Variants in DGKB observed in about 807,000 individuals in gnomAD.
DGKB encodes 90 kDa diacylglycerol kinase.
Under a neutral mutation model 114.3 loss-of-function variants are expected in DGKB, and 67 were observed. The ratio of observed to expected loss-of-function variants is 0.59; its 90% CI spans 0.48 to 0.72. The LOEUF is 0.72. Ranked by LOEUF, DGKB falls within the 30% of genes least tolerant of loss-of-function variation. The pLI, the probability that DGKB is intolerant of heterozygous loss-of-function variation, is 0.00. For synonymous variants in DGKB, 398 were observed against 323.1 expected, an observed-to-expected ratio of 1.23 and a Z score of -2.49; for missense variants, 907 against 975.2, an observed-to-expected ratio of 0.93 and a Z score of 0.93.
intron 21 of DGKB, among the ~76,000 whole-genome samples, chr7:14,477,214 C>G (rs1782316221): frequency 6.6e-6 from 1 of 152,128 alleles, no homozygotes; most frequent in Non-Finnish European, 1.5e-5. Flanking sequence ...TGTGAACCTA[C>G]ATGGGAGAAG....
chr7:14,472,774 G>A (rs1427368899), intron 21 of DGKB, among the ~76,000 whole-genome samples: 1 of 152,142 alleles, frequency 6.6e-6, no homozygotes, highest in Non-Finnish European at 1.5e-5. Context: ...AACTGGTTGG[G>A]AACTGGAGCA....
chr7:14,195,672 A>G (rs1190836036), intron 23 of DGKB, among the ~76,000 whole-genome samples: 2 of 152,170 alleles, frequency 1.3e-5, no homozygotes, highest in African/African-American at 4.8e-5. Flanking sequence ...TCAGTGAAAC[A>G]TGAAAAACAC....
intron 12 of DGKB, among the ~76,000 whole-genome samples, chr7:14,674,161 T>A (rs1446849678): frequency 6.6e-6 from 1 of 151,808 alleles, no homozygotes; most frequent in Non-Finnish European, 1.5e-5. Context: ...TGACTTGTAC[T>A]GTAATTAATG....
intron 23 of DGKB, among the ~76,000 whole-genome samples, chr7:14,291,854 C>A (rs1165812882): frequency 6.6e-6 from 1 of 152,114 alleles, no homozygotes; most frequent in Non-Finnish European, 1.5e-5. Flanking sequence ...CTTCTTTAAT[C>A]ATCAGCTCTA....
At chr7:14,170,320 C>A (rs1254388978) in intron 25 of DGKB, among the ~76,000 whole-genome samples, 1 of 152,146 alleles carries the variant, frequency 6.6e-6, no homozygotes, top group East Asian at 1.9e-4. Flanking sequence ...AGTTACTTGA[C>A]TTCTCTGGCT....
chr7:14,266,849 T>A (rs1434812591), intron 23 of DGKB, among the ~76,000 whole-genome samples: 1 of 152,222 alleles, frequency 6.6e-6, no homozygotes, highest in Non-Finnish European at 1.5e-5. Flanking sequence ...ACCAATTTCT[T>A]TGATATTAAT....
intron 23 of DGKB, among the ~76,000 whole-genome samples, chr7:14,295,667 A>G (rs143262881): frequency 6.6e-6 from 1 of 152,020 alleles, no homozygotes; most frequent in Non-Finnish European, 1.5e-5. Context: ...AAATATGCCA[A>G]CCTTCAAACC....
chr7:14,931,271 C>G (rs1325881522), intron 1 of DGKB, among the ~76,000 whole-genome samples: 2 of 152,044 alleles, frequency 1.3e-5, no homozygotes, highest in Admixed American at 1.3e-4. Flanking sequence ...GCCTCCAAGC[C>G]CAGCTAATTT....
Position 14,808,537 on chromosome 7 carries a change from G to A in DGKB, c.70+32657C>T, listed in dbSNP as rs954978641. ...GTAAAGAGTTTCAAGGATAGAATAA[G>A]GACACTGAACTTGAATCTGTCTTTA... On this transcript the variant is annotated intron_variant, in intron 2 of 25. Coordinates refer to ENST00000402815, the MANE Select transcript of DGKB (RefSeq NM_001350709.2). Among the ~76,000 whole-genome samples, 9 of 151,996 alleles carry A rather than the reference G, an allele frequency of 5.9e-5. 1 individual carries two copies. The highest frequency in any genetic ancestry group is 5.2e-4 in the Admixed American group (8 of 15,258).
intron 21 of DGKB, among the ~76,000 whole-genome samples, chr7:14,364,030 T>C (rs1816214160): frequency 3.9e-5 from 6 of 152,056 alleles, no homozygotes; most frequent in Admixed American, 3.3e-4. Context: ...ATAGTACAGG[T>C]CAGCTCGGTA....
At chr7:14,447,050 C>A (rs1188548656) in intron 21 of DGKB, among the ~76,000 whole-genome samples, 1 of 152,112 alleles carries the variant, frequency 6.6e-6, no homozygotes, top group Non-Finnish European at 1.5e-5. Flanking sequence ...ATTGTAATAT[C>A]ATTATCATTG....
chr7:14,753,987 T>TAAGATACTTTATAC, intron 3 of DGKB, 39 bp from the exon 4 acceptor site: 1 of 1,361,608 alleles, frequency 7.3e-7, no homozygotes. Context: ...TGTGTTAATG[T>TAAGATACTTTATAC]AAGATACTTT....
At chr7:14,458,361 T>A (rs889291617) in intron 21 of DGKB, among the ~76,000 whole-genome samples, 1 of 152,222 alleles carries the variant, frequency 6.6e-6, no homozygotes, top group Non-Finnish European at 1.5e-5. Flanking sequence ...TAAATACCTC[T>A]GATAAAACTA....
chr7:14,604,613 C>G (rs982232041), intron 17 of DGKB, among the ~76,000 whole-genome samples: 1 of 152,058 alleles, frequency 6.6e-6, no homozygotes, highest in South Asian at 2.1e-4. Context: ...GTATAAATCA[C>G]CAAGGGTATC....
At chr7:14,836,933 G>A (rs1847245306) in intron 2 of DGKB, among the ~76,000 whole-genome samples, 1 of 152,136 alleles carries the variant, frequency 6.6e-6, no homozygotes, top group Non-Finnish European at 1.5e-5. Context: ...TTTTCTACTT[G>A]ATCATCAACA....
chr7:14,515,206 A>G (rs1297792526), intron 20 of DGKB, among the ~76,000 whole-genome samples: 1 of 152,156 alleles, frequency 6.6e-6, no homozygotes, highest in East Asian at 1.9e-4. Context: ...TAAAAAGTAG[A>G]AACACATTAT....
chr7:14,331,977 G>A (rs917323), intron 23 of DGKB, among the ~76,000 whole-genome samples: 8,485 of 152,202 alleles, frequency 0.056, 460 homozygotes, highest in East Asian at 0.25. Context: ...CAAAGTATAT[G>A]GAAAAGCTTA....
At chr7:14,451,435 G>A (rs992774701) in intron 21 of DGKB, among the ~76,000 whole-genome samples, 1 of 151,944 alleles carries the variant, frequency 6.6e-6, no homozygotes, top group African/African-American at 2.4e-5. Context: ...ACTCAGACTG[G>A]AACTATAGCA....
intron 20 of DGKB, among the ~76,000 whole-genome samples, chr7:14,555,406 A>C (rs561498969): frequency 6.6e-4 from 101 of 152,322 alleles, no homozygotes; most frequent in African/African-American, 2.3e-3. Flanking sequence ...ATTTCAGAAT[A>C]TTTTAATGGC....
Sources: gnomAD v4.1 joint callset for allele counts (sites outside exome capture counted in the v4.1 genomes callset) on GRCh38, gnomAD v4.1.1 for gene constraint, MANE v1.5 for transcripts, NCBI Gene and HGNC (gene_info 2026-07-23, HGNC 2026-07-21) for gene names.